The following ATP2B2 variants were observed in gnomAD, a reference collection of about 807,000 sequenced individuals.
ATP2B2 encodes the protein plasma membrane calcium-transporting ATPase 2.
In ATP2B2, 15 loss-of-function variants were observed where a neutral mutation model predicts 120.0. The ratio of observed to expected loss-of-function variants is 0.12; its 90% CI spans 0.08 to 0.19. The LOEUF (loss-of-function observed/expected upper bound fraction) is 0.19, where lower values mean the gene tolerates loss of function less well. ATP2B2 is among the 10% of genes least tolerant of loss of function. The pLI, the probability that ATP2B2 is intolerant of heterozygous loss-of-function variation, is 1.00. For synonymous variants in ATP2B2, 694 were observed against 700.3 expected (o/e 0.99, Z 0.14); for missense variants, 1,045 against 1,719.8 (o/e 0.61, Z 6.94).
Position 10,340,163 on chromosome 3 carries a change from G to C in ATP2B2, c.3237+79C>G. 2 of 1,397,736 alleles carry C rather than the reference G, an allele frequency of 1.4e-6. No individual in the cohort carries two copies. The highest frequency in any genetic ancestry group is 2.0e-6 in the Non-Finnish European group (2 of 994,132). The allele number at this position is 1,397,736 out of a possible 1,614,324, so 86.6% of individuals were successfully genotyped here. A position where few individuals can be genotyped will look rare whatever the true frequency, so the allele number is the denominator to read the frequency against. On this transcript the variant is annotated intron_variant, in intron 21 of 22. Transcript: ENST00000360273. The surrounding 1 kb of genome is among the most constrained non-coding windows in gnomAD (Gnocchi z 5.0). ...GCCTGGGGTCTGGCAGCCCATTCCT[G>C]GGGGTCCTGGATTCTCCATCCAGTG... is the stretch of plus-strand genomic sequence containing the variant.
At chr3:10,677,169 T>C (rs2071267760) in intron 1 of ATP2B2, among the ~76,000 whole-genome samples, 2 of 152,310 alleles carry the variant, frequency 1.3e-5, no homozygotes, top group East Asian at 3.9e-4. Flanking sequence ...CAAGATGTCC[T>C]CCAGTAGGTG....
intron 2 of ATP2B2, among the ~76,000 whole-genome samples, chr3:10,440,785 C>G (rs1459156863): frequency 6.6e-6 from 1 of 152,130 alleles, no homozygotes; most frequent in African/African-American, 2.4e-5. Context: ...GTCATGTGTG[C>G]ACATTTGGGA....
At chr3:10,539,805 T>C (rs911492002) in intron 2 of ATP2B2, among the ~76,000 whole-genome samples, 7 of 152,196 alleles carry the variant, frequency 4.6e-5, no homozygotes, top group African/African-American at 1.7e-4. Flanking sequence ...GACACAGGCA[T>C]GGGCAAGGAC....
At chr3:10,374,088 C>T (rs2061316732) in intron 11 of ATP2B2, among the ~76,000 whole-genome samples, 1 of 152,116 alleles carries the variant, frequency 6.6e-6, no homozygotes, top group South Asian at 2.1e-4. Flanking sequence ...CTAAGATGAG[C>T]GAAGGTAGCG....
Position 10,388,061 on chromosome 3 carries a change from A to G in ATP2B2, c.907+216T>C, listed in dbSNP as rs150518119. ...GAGGGGAAGGAGGGGCCTCCATGAC[A>G]TGATTGGACAAGACAGAGACTGGGA... On this transcript the variant is annotated intron_variant, in intron 6 of 22. Coordinates refer to ENST00000360273, the MANE Select transcript of ATP2B2 (RefSeq NM_001001331.4). 3.3e-3 allele frequency: 1,989 copies of G among 606,336 alleles called. 28 individuals carry two copies. Among genetic ancestry groups the G allele is most frequent in the African/African-American group, 0.032 (1,695 of 53,796 alleles). 37.6% of individuals were successfully genotyped at this position (606,336 alleles called of 1,614,324 possible). A position where few individuals can be genotyped will look rare whatever the true frequency, so the allele number is the denominator to read the frequency against.
At chr3:10,428,800 T>C (rs2063220025) in intron 2 of ATP2B2, among the ~76,000 whole-genome samples, 1 of 152,198 alleles carries the variant, frequency 6.6e-6, no homozygotes, top group Admixed American at 6.5e-5. Flanking sequence ...CCCAGGGCAG[T>C]GTGAGGTGTC....
intron 5 of ATP2B2, among the ~76,000 whole-genome samples, chr3:10,388,758 T>G (rs2061757910): frequency 1.3e-5 from 2 of 152,200 alleles, no homozygotes; most frequent in Admixed American, 6.5e-5. Flanking sequence ...GTTATCAGTG[T>G]CCATGATGCC....
chr3:10,365,054 C>G (rs1287969480), intron 12 of ATP2B2, among the ~76,000 whole-genome samples: 1 of 152,240 alleles, frequency 6.6e-6, no homozygotes, highest in Non-Finnish European at 1.5e-5. Context: ...TGCTCTTTCT[C>G]TCATTTTAGA....
At chr3:10,339,046 C>G (rs1266249671) in intron 21 of ATP2B2, 1 of 153,026 alleles carries the variant, frequency 6.5e-6, no homozygotes, top group African/African-American at 2.4e-5. Context: ...AGGCCCCTTC[C>G]ATTTCCTGTA....
Position 10,375,484 on chromosome 3 carries a change from G to A in ATP2B2, c.1362C>T (p.Ala454=), listed in dbSNP as rs201822154. 1.4e-4 allele frequency: 222 copies of A among 1,613,364 alleles called. 1 individual carries two copies. Among genetic ancestry groups the A allele is most frequent in the East Asian group, 4.5e-5 (2 of 44,896 alleles). ...FIIGVTVLVV[A]VPEGLPLAVT... ...CGGCCAGAGGGAGCCCCTCGGGCAC[G>A]GCGACCACCAGCACCGTCACGCCAA... is the stretch of plus-strand genomic sequence containing the variant. The change falls in exon 11 of 23, where the codon GCC becomes GCT. Residue 454 remains alanine (A), a synonymous_variant. Coordinates refer to ENST00000360273, the MANE Select transcript of ATP2B2 (RefSeq NM_001001331.4). This position sits in a 1 kb window ranked among gnomAD's most constrained non-coding sequence, Gnocchi z 4.2.
chr3:10,491,678 C>T (rs2065940794), intron 1 of ATP2B2, among the ~76,000 whole-genome samples: 2 of 152,064 alleles, frequency 1.3e-5, no homozygotes, highest in South Asian at 2.1e-4. Flanking sequence ...TGGTACATTG[C>T]TAAGTGACAA....
chr3:10,430,709 C>T lies in ATP2B2; in HGVS notation c.199+18636G>A, dbSNP rs895082679. Among the ~76,000 whole-genome samples the T allele has an allele frequency of 4.0e-5, 6 of 151,686 alleles. No individual in the cohort carries two copies. The East Asian group carries it at 1.2e-3, about 30-fold the overall frequency. On this transcript the variant is annotated intron_variant, in intron 2 of 22. Coordinates refer to ENST00000360273, the MANE Select transcript of ATP2B2 (RefSeq NM_001001331.4). ...GAAATCACAGTATCAGAAATAGCAC[C>T]CCCTACTTGGTTAGAACTTGGAGCT...
intron 1 of ATP2B2, among the ~76,000 whole-genome samples, chr3:10,477,444 G>A (rs1044641846): frequency 6.6e-6 from 1 of 152,184 alleles, no homozygotes; most frequent in Non-Finnish European, 1.5e-5. Context: ...GCACAGTTCA[G>A]TGACATTAAG....
At chr3:10,690,769 G>A (rs958399989) in intron 1 of ATP2B2, among the ~76,000 whole-genome samples, 9 of 152,124 alleles carry the variant, frequency 5.9e-5, no homozygotes, top group South Asian at 2.1e-4. Flanking sequence ...CTTATTGACG[G>A]GCAATGTCAA....
intron 3 of ATP2B2, among the ~76,000 whole-genome samples, chr3:10,532,942 G>A (rs1293469596): frequency 6.6e-6 from 1 of 152,196 alleles, no homozygotes. Flanking sequence ...TTTCTCATTT[G>A]TGAAAAGGGC....
intron 1 of ATP2B2, among the ~76,000 whole-genome samples, chr3:10,639,272 G>A (rs2070107333): frequency 2.0e-5 from 3 of 152,158 alleles, no homozygotes; most frequent in Non-Finnish European, 4.4e-5. Context: ...TTTAATGCAG[G>A]CATGGGGTTA....
At chr3:10,592,081 GGAA>G (rs1414770744) in intron 2 of ATP2B2, among the ~76,000 whole-genome samples, 3 of 152,130 alleles carry the variant, frequency 2.0e-5, no homozygotes, top group Non-Finnish European at 4.4e-5. Context: ...TGGAAGGTTG[GGAA>G]GAAGAAGGAA....
rs147925431 is a variant in ATP2B2 at position 10,454,870 on chromosome 3, T to C, written c.-319-5008A>G. Among the ~76,000 whole-genome samples the C allele has an allele frequency of 2.1e-3, 317 of 152,320 alleles. 5 individuals carry two copies. In the South Asian group the frequency reaches 0.041, roughly 20 times the overall value. ...CTGTCCTGTTCAGCCTCAGTTTCCCTTCCTTGGAAGCCTTTCCTGACCACC... is the reference window on the plus strand; with the variant it reads ...CTGTCCTGTTCAGCCTCAGTTTCCCCTCCTTGGAAGCCTTTCCTGACCACC... On this transcript the variant is annotated intron_variant, in intron 1 of 22. Coordinates refer to ENST00000360273, the MANE Select transcript of ATP2B2 (RefSeq NM_001001331.4).
chr3:10,356,155 CGTGT>C (rs911717639), intron 14 of ATP2B2, among the ~76,000 whole-genome samples: 746 of 26,510 alleles, frequency 0.028, 118 homozygotes, highest in Admixed American at 0.026. Flanking sequence ...TGCGTGTGTG[CGTGT>C]GTGTGTGTGT....
Sources: allele counts gnomAD v4.1 joint callset (sites outside exome capture counted in the v4.1 genomes callset), GRCh38; gene constraint gnomAD v4.1.1; non-coding constraint Gnocchi (gnomAD v3.1); transcripts MANE v1.5; gene names NCBI Gene and HGNC (gene_info 2026-07-23, HGNC 2026-07-21).